The following COL4A2 variants were observed in gnomAD, a reference collection of about 807,000 sequenced individuals.
COL4A2 encodes collagen alpha-2(IV) chain.
Under a neutral mutation model 200.2 loss-of-function variants are expected in COL4A2, and 99 were observed. That is an observed-to-expected ratio of 0.49 (90% confidence interval 0.42 to 0.58). COL4A2 has a LOEUF of 0.58. Among genes scored for constraint, COL4A2 ranks in the 20% least tolerant of loss-of-function variants. The pLI is 0.00. For synonymous variants in COL4A2, 897 were observed against 900.6 expected (o/e 1.00, Z 0.07); for missense variants, 1,950 against 2,314.1 (o/e 0.84, Z 3.23).
At chr13:110,474,095 C>G (rs772300106) in intron 29 of COL4A2, among the ~76,000 whole-genome samples, 9 of 152,124 alleles carry the variant, frequency 5.9e-5, no homozygotes, top group Non-Finnish European at 1.3e-4. Context: ...CCACTGCACT[C>G]CAGCCTGCGT....
At chr13:110,341,390 G>C (rs1157116146) in intron 3 of COL4A2, among the ~76,000 whole-genome samples, 1 of 152,240 alleles carries the variant, frequency 6.6e-6, no homozygotes, top group Non-Finnish European at 1.5e-5. Flanking sequence ...GCCTTAGGTT[G>C]GGTGTACATA....
At chr13:110,430,029 A>C in intron 8 of COL4A2, 73 bp downstream of exon 8, 2 of 1,433,424 alleles carry the variant, frequency 1.4e-6, no homozygotes, top group Non-Finnish European at 1.9e-6. Context: ...GTTAATTGCC[A>C]AGTGAACTTT....
chr13:110,437,742 G>C (rs1880949501), intron 13 of COL4A2, among the ~76,000 whole-genome samples: 1 of 152,178 alleles, frequency 6.6e-6, no homozygotes. Context: ...GGAAAACAGA[G>C]AGAAGGAAAG....
At chr13:110,509,058 C>G (rs1270587151) in intron 47 of COL4A2, among the ~76,000 whole-genome samples, 1 of 151,802 alleles carries the variant, frequency 6.6e-6, no homozygotes, top group East Asian at 1.9e-4. Context: ...TGCTTTTGCA[C>G]CATCGAAAAC....
At chr13:110,458,221 G>A in intron 21 of COL4A2, 1 of 430,040 alleles carries the variant, frequency 2.3e-6, no homozygotes, top group South Asian at 1.8e-5. Context: ...CATCCTCTGT[G>A]CCCTGGGGGA....
intron 32 of COL4A2, 143 bp downstream of exon 32, chr13:110,482,802 G>A (rs1394077310): frequency 1.2e-6 from 1 of 823,746 alleles, no homozygotes; most frequent in Non-Finnish European, 1.9e-6. Context: ...CAAACAAAAT[G>A]AGCTAACAAA....
intron 7 of COL4A2, among the ~76,000 whole-genome samples, chr13:110,429,594 A>G (rs1309969667): frequency 1.3e-5 from 2 of 152,250 alleles, no homozygotes; most frequent in Non-Finnish European, 2.9e-5. Context: ...ACATTGGCAT[A>G]CTAGAGGGTT....
rs533271852 is a variant in COL4A2 at position 110,488,978 on chromosome 13, C to G, written c.3208-467C>G. ...GGTGCAGTGGCTCACGCCTGTAATCCCAGCACTTTGGGAAGCAGAGGAGAG... is the reference window on the plus strand; with the variant it reads ...GGTGCAGTGGCTCACGCCTGTAATCGCAGCACTTTGGGAAGCAGAGGAGAG... On this transcript the variant is annotated intron_variant, in intron 34 of 47. Coordinates refer to ENST00000360467, the MANE Select transcript of COL4A2 (RefSeq NM_001846.4). Among the ~76,000 whole-genome samples the G allele has an allele frequency of 2.6e-5, 4 of 152,286 alleles. No homozygotes were observed. The South Asian group carries it at 8.3e-4, about 32-fold the overall frequency.
At chr13:110,355,876 GCT>G (rs1298579028) in intron 3 of COL4A2, among the ~76,000 whole-genome samples, 1 of 149,402 alleles carries the variant, frequency 6.7e-6, no homozygotes, top group Non-Finnish European at 1.5e-5. Flanking sequence ...CTGTGTGGGG[GCT>G]GAGGGCTGCA....
intron 4 of COL4A2, among the ~76,000 whole-genome samples, chr13:110,405,427 C>T (rs1879527355): frequency 6.6e-6 from 1 of 150,794 alleles, no homozygotes. Flanking sequence ...CGGTGTGGGA[C>T]CCACCCCCGG....
intron 9 of COL4A2, 38 bp downstream of exon 9, chr13:110,430,474 G>C (rs1566528601): frequency 6.2e-7 from 1 of 1,614,116 alleles, no homozygotes; most frequent in Non-Finnish European, 8.5e-7. Flanking sequence ...CCAAACAAAA[G>C]TTTAAGAGCT....
intron 26 of COL4A2, 144 bp from the exon 27 acceptor site, chr13:110,466,896 G>T: frequency 9.9e-7 from 1 of 1,005,900 alleles, no homozygotes; most frequent in Non-Finnish European, 1.5e-6. Flanking sequence ...TCAGAACCAA[G>T]ATGAATTAAA....
intron 27 of COL4A2, among the ~76,000 whole-genome samples, chr13:110,467,734 G>A (rs1376515193): frequency 6.6e-6 from 1 of 152,196 alleles, no homozygotes; most frequent in Non-Finnish European, 1.5e-5. Context: ...CAGGGTCTCC[G>A]TGGGCCTGTG....
At chr13:110,425,907 C>T (rs7327705) in intron 6 of COL4A2, among the ~76,000 whole-genome samples, 3,488 of 152,184 alleles carry the variant, frequency 0.023, 126 homozygotes, top group African/African-American at 0.079. Flanking sequence ...AGGAGACATC[C>T]GCAGAGCAGA....
intron 3 of COL4A2, among the ~76,000 whole-genome samples, chr13:110,310,411 G>T (rs888831235): frequency 6.6e-6 from 1 of 152,236 alleles, no homozygotes; most frequent in African/African-American, 2.4e-5. Flanking sequence ...TTGAGAGGCA[G>T]TTGAGATTAC....
chr13:110,414,290 A>C (rs2139443402), intron 4 of COL4A2, among the ~76,000 whole-genome samples: 1 of 152,386 alleles, frequency 6.6e-6, no homozygotes, highest in Non-Finnish European at 1.5e-5. Context: ...AGATGTCAGC[A>C]CATGACCCAT....
At chr13:110,356,630 C>T (rs1877278859) in intron 3 of COL4A2, among the ~76,000 whole-genome samples, 1 of 152,240 alleles carries the variant, frequency 6.6e-6, no homozygotes, top group Admixed American at 6.5e-5. Flanking sequence ...AGGGCTGCTG[C>T]CCATGCCCCG....
intron 28 of COL4A2, among the ~76,000 whole-genome samples, chr13:110,472,270 C>T (rs1382734142): frequency 2.6e-5 from 4 of 152,188 alleles, no homozygotes; most frequent in South Asian, 2.1e-4. Context: ...CATCCGCCAC[C>T]ACACCTGGCT....
In COL4A2 at chr13:110,409,061, C is replaced by G. The variant is rs141992216; in HGVS notation, c.181-15673C>G. Among the ~76,000 whole-genome samples, 442 of 135,240 alleles carry G rather than the reference C, an allele frequency of 3.3e-3. 19 individuals carry two copies. Among genetic ancestry groups the G allele is most frequent in the African/African-American group, 0.013 (415 of 31,700 alleles). 88.7% of individuals were successfully genotyped at this position (135,240 alleles called of 152,430 possible). ...TTACACACATGCAGATATACACATG[C>G]ACACACACGTACACACATGCACATA... On this transcript the variant is annotated intron_variant, in intron 4 of 47. Transcript: ENST00000360467.
Sources: gnomAD v4.1 joint callset for allele counts (sites outside exome capture counted in the v4.1 genomes callset) on GRCh38, gnomAD v4.1.1 for gene constraint, MANE v1.5 for transcripts, NCBI Gene and HGNC (gene_info 2026-07-23, HGNC 2026-07-21) for gene names.